Variants in CSMD3 observed in about 807,000 individuals in gnomAD.
The protein encoded by CSMD3 is CUB and Sushi multiple domains 3.
In CSMD3, 177 loss-of-function variants were observed where a neutral mutation model predicts 435.2. The observed-to-expected ratio is 0.41, with a 90% CI of 0.36 to 0.46. The LOEUF (loss-of-function observed/expected upper bound fraction) is 0.46. Ranked by LOEUF, CSMD3 falls within the 20% of genes least tolerant of loss-of-function variation. The pLI is 0.34. For synonymous variants in CSMD3, 1,656 were observed against 1,520.5 expected (o/e 1.09, Z -2.07); for missense variants, 4,265 against 4,504.6 (o/e 0.95, Z 1.52).
chr8:112,296,477 A>C (rs536210191), intron 53 of CSMD3, among the ~76,000 whole-genome samples: 20 of 151,982 alleles, frequency 1.3e-4, no homozygotes, highest in African/African-American at 4.6e-4. Flanking sequence ...CGTGAACCGG[A>C]AGGTGGAGCT....
intron 13 of CSMD3, among the ~76,000 whole-genome samples, chr8:112,755,255 C>T (rs1278768287): frequency 1.3e-5 from 2 of 151,690 alleles, no homozygotes; most frequent in Admixed American, 6.6e-5. Context: ...GGCGTGAACC[C>T]GGGAAGCGGA....
intron 3 of CSMD3, among the ~76,000 whole-genome samples, chr8:113,246,716 C>T (rs2093279921): frequency 6.6e-6 from 1 of 152,024 alleles, no homozygotes; most frequent in Non-Finnish European, 1.5e-5. Flanking sequence ...GTGTCCCTTC[C>T]CCCAAGGGCT....
chr8:112,921,556 C>T (rs1050639045), intron 10 of CSMD3, 71 bp downstream of exon 10: 3 of 1,231,484 alleles, frequency 2.4e-6, no homozygotes, highest in South Asian at 2.4e-5. Context: ...GACTTAATTG[C>T]AACTTAATTA....
At chr8:112,930,998 C>A (rs892115695) in intron 9 of CSMD3, among the ~76,000 whole-genome samples, 4 of 151,910 alleles carry the variant, frequency 2.6e-5, no homozygotes, top group African/African-American at 9.7e-5. Context: ...TCAACTTTTC[C>A]ACATTCAATT....
chr8:112,695,680 G>A (rs1300300345), intron 13 of CSMD3, among the ~76,000 whole-genome samples: 1 of 152,148 alleles, frequency 6.6e-6, no homozygotes, highest in African/African-American at 2.4e-5. Context: ...ACAAGACAGG[G>A]ATGCCCTCTC....
intron 56 of CSMD3, 62 bp downstream of exon 56, chr8:112,291,448 G>T (rs2130674413): frequency 9.0e-7 from 1 of 1,105,690 alleles, no homozygotes; most frequent in Non-Finnish European, 1.4e-6. Flanking sequence ...TTATAAAGAT[G>T]ATAAACATTC....
intron 11 of CSMD3, among the ~76,000 whole-genome samples, chr8:112,832,343 G>A (rs543754153): frequency 7.9e-5 from 12 of 152,152 alleles, no homozygotes; most frequent in African/African-American, 2.6e-4. Context: ...TATATTATAT[G>A]GAAAAGGTGA....
At chr8:113,401,683 A>T (rs116647024) in intron 1 of CSMD3, among the ~76,000 whole-genome samples, 4,931 of 151,806 alleles carry the variant, frequency 0.032, 96 homozygotes, top group Admixed American at 0.042. Context: ...TAACATAGAC[A>T]GCATTTTAAA....
At chr8:112,839,363 A>G (rs1021635679) in intron 11 of CSMD3, among the ~76,000 whole-genome samples, 3 of 151,856 alleles carry the variant, frequency 2.0e-5, no homozygotes, top group East Asian at 1.9e-4. Flanking sequence ...ACTGAAGGGA[A>G]GAAGCTACAT....
chr8:112,541,760 C>T (rs934352401), intron 27 of CSMD3, among the ~76,000 whole-genome samples: 5 of 151,644 alleles, frequency 3.3e-5, no homozygotes, highest in Admixed American at 3.3e-4. Context: ...CAAAAACAAA[C>T]AAAAAAATTT....
intron 22 of CSMD3, among the ~76,000 whole-genome samples, chr8:112,624,671 G>A (rs901999328): frequency 1.3e-5 from 2 of 151,990 alleles, no homozygotes; most frequent in Non-Finnish European, 2.9e-5. Flanking sequence ...TACCAGGTGA[G>A]ATACTTTTAT....
intron 5 of CSMD3, among the ~76,000 whole-genome samples, chr8:113,055,709 A>G (rs2088299153): frequency 6.6e-6 from 1 of 152,204 alleles, no homozygotes; most frequent in South Asian, 2.1e-4. Context: ...AGTTCAAGAG[A>G]AGAAGGGTTA....
chr8:112,277,135 GT>G (rs907248307), intron 59 of CSMD3, among the ~76,000 whole-genome samples: 2 of 152,106 alleles, frequency 1.3e-5, no homozygotes, highest in African/African-American at 2.4e-5. Context: ...CAGAAAATGG[GT>G]TTTTCTTTAC....
chr8:112,535,048 T>G (rs1168553810), intron 27 of CSMD3, among the ~76,000 whole-genome samples: 1 of 152,142 alleles, frequency 6.6e-6, no homozygotes, highest in Non-Finnish European at 1.5e-5. Flanking sequence ...ATAAGAGCTG[T>G]CTATGACAAA....
chr8:112,300,354 G>C (rs1247480856), intron 53 of CSMD3, among the ~76,000 whole-genome samples: 1 of 150,396 alleles, frequency 6.6e-6, no homozygotes, highest in African/African-American at 2.4e-5. Flanking sequence ...AGTAAACTAA[G>C]TAATCTGTAA....
chr8:112,682,726 AAG>A, intron 15 of CSMD3, 90 bp from the exon 16 acceptor site: 1 of 897,486 alleles, frequency 1.1e-6, no homozygotes, highest in Non-Finnish European at 1.8e-6. Context: ...GAGAGAGAGA[AAG>A]AGATATTTTA....
Position 112,689,871 on chromosome 8 carries a change from T to C in CSMD3, c.2152A>G (p.Ile718Val), listed in dbSNP as rs2076093820. 1 of 1,612,670 alleles carries C rather than the reference T, an allele frequency of 6.2e-7. No individual in the cohort carries two copies. Among genetic ancestry groups the C allele is most frequent in the Non-Finnish European group, 8.5e-7 (1 of 1,178,978 alleles). ...NQWSANIPIC[I>V]FPCLSNFTAP... is the part of the protein sequence containing the mutation. The stretch of plus-strand genomic sequence containing the variant: ...AAGCAAAGCATTTGGTACTCACAGA[T>C]ACAGATGGGTATGTTTGCAGACCAT... The change falls in exon 14 of 71, where the codon ATC becomes GTC. Residue 718 changes from isoleucine (I) to valine (V), a missense_variant. This residue lies in a region of CSMD3 where 279 missense variants were observed against 369.0 expected (regional missense o/e 0.76). Coordinates refer to ENST00000297405, the MANE Select transcript of CSMD3 (RefSeq NM_198123.2).
chr8:113,350,117 T>A (rs927702208), intron 1 of CSMD3, among the ~76,000 whole-genome samples: 3 of 151,918 alleles, frequency 2.0e-5, no homozygotes, highest in African/African-American at 7.3e-5. Flanking sequence ...AGTAAAGCTA[T>A]GTTGGATGTT....
Position 112,289,661 on chromosome 8 carries a change from A to G in CSMD3, c.8975-123T>C, listed in dbSNP as rs1586665987. On this transcript the variant is annotated intron_variant, in intron 56 of 70. Transcript: ENST00000297405. The stretch of plus-strand genomic sequence containing the variant: ...GCTGAAACATCTAAAGCCTCCAGAA[A>G]TCAAACATCTATGTTGAAGGTGTCT... The G allele has an allele frequency of 4.7e-6, 3 of 642,324 alleles. No homozygotes were observed. In the African/African-American group the frequency reaches 5.6e-5, roughly 12 times the overall value. The allele number at this position is 642,324 out of a possible 1,614,324, so 39.8% of individuals were successfully genotyped here.
Sources: allele counts gnomAD v4.1 joint callset (sites outside exome capture counted in the v4.1 genomes callset), GRCh38; gene constraint gnomAD v4.1.1; regional missense constraint gnomAD v4.1.1; transcripts MANE v1.5; gene names NCBI Gene and HGNC (gene_info 2026-07-23, HGNC 2026-07-21).